SYT1: variants seen among roughly 807,000 people sequenced by gnomAD.
SYT1 encodes synaptotagmin 1, also known as synaptotagmin-1.
Under a neutral mutation model 44.8 loss-of-function variants are expected in SYT1, and 8 were observed. That is an observed-to-expected ratio of 0.18 (90% CI 0.10 to 0.32). The LOEUF (loss-of-function observed/expected upper bound fraction) is 0.32, where lower values mean the gene tolerates loss of function less well. Among genes scored for constraint, SYT1 ranks in the 10% least tolerant of loss-of-function variants. SYT1 has a pLI of 1.00. For missense variants in SYT1, 286 were observed against 509.3 expected, an observed-to-expected ratio of 0.56 and a Z score of 4.22; for synonymous variants, 154 against 188.8, an observed-to-expected ratio of 0.82 and a Z score of 1.51.
At position 79,104,155 on chromosome 12, in the gene SYT1, A is replaced by ATTT. The variant is rs199824840; in HGVS notation, c.-18+56804_-18+56806dup. 1.8e-4 allele frequency among the ~76,000 whole-genome samples: 27 copies of ATTT among 146,362 alleles called. No individual in the cohort carries two copies. In the East Asian group the frequency reaches 4.0e-3, roughly 22 times the overall value. Reference sequence around the variant, plus strand: ...ATGTTGACATCATTCAATGGAGTCAATTTTTTTTTTTTTGTAATTTGGTCT... The same window carrying ATTT: ...ATGTTGACATCATTCAATGGAGTCAATTTTTTTTTTTTTTTTGTAATTTGGTCT... On this transcript the variant is annotated intron_variant, in intron 3 of 10. Coordinates refer to ENST00000261205, the MANE Select transcript of SYT1 (RefSeq NM_005639.3).
intron 9 of SYT1, among the ~76,000 whole-genome samples, chr12:79,353,820 GA>G (rs1160814781): frequency 6.6e-6 from 1 of 152,162 alleles, no homozygotes; most frequent in Non-Finnish European, 1.5e-5. Context: ...CATAGAAGAT[GA>G]AATCTATTTT....
At chr12:79,031,940 A>T (rs944298939) in intron 2 of SYT1, among the ~76,000 whole-genome samples, 5 of 151,192 alleles carry the variant, frequency 3.3e-5, no homozygotes, top group Admixed American at 6.6e-5. Flanking sequence ...ATATGTTATT[A>T]ATCTAAATAA....
At chr12:79,444,643 A>G (rs1323937075) in intron 10 of SYT1, among the ~76,000 whole-genome samples, 1 of 150,510 alleles carries the variant, frequency 6.6e-6, no homozygotes, top group Non-Finnish European at 1.5e-5. Flanking sequence ...AGTCTTTATT[A>G]AAAGATGATT....
intron 3 of SYT1, among the ~76,000 whole-genome samples, chr12:79,139,509 T>C (rs1357130002): frequency 1.3e-5 from 2 of 152,220 alleles, no homozygotes; most frequent in Non-Finnish European, 1.5e-5. Context: ...GAGTATTCCA[T>C]AGTTATTTTA....
At chr12:79,256,017 T>C (rs1182831894) in intron 4 of SYT1, among the ~76,000 whole-genome samples, 2 of 152,190 alleles carry the variant, frequency 1.3e-5, no homozygotes, top group Non-Finnish European at 2.9e-5. Flanking sequence ...TGAATTAAAA[T>C]ATATCCCTAG....
intron 3 of SYT1, among the ~76,000 whole-genome samples, chr12:79,081,289 C>T (rs568768428): frequency 1.4e-4 from 22 of 152,032 alleles, no homozygotes; most frequent in African/African-American, 4.8e-4. Flanking sequence ...TTTTAACGCT[C>T]ATGTATAAAA....
chr12:79,150,152 T>C (rs939791496), intron 3 of SYT1, among the ~76,000 whole-genome samples: 1 of 152,146 alleles, frequency 6.6e-6, no homozygotes, highest in African/African-American at 2.4e-5. Flanking sequence ...TGTTTCATGG[T>C]GAGAGCATTT....
chr12:79,230,193 A>G (rs910514611), intron 4 of SYT1, among the ~76,000 whole-genome samples: 2 of 152,206 alleles, frequency 1.3e-5, no homozygotes, highest in African/African-American at 4.8e-5. Context: ...TGGCTCTCAT[A>G]TATGAATACA....
At chr12:78,939,344 G>A (rs551933920) in intron 1 of SYT1, among the ~76,000 whole-genome samples, 277 of 152,218 alleles carry the variant, frequency 1.8e-3, no homozygotes, top group African/African-American at 6.1e-3. Context: ...CTGTCTTACT[G>A]TTAGGATTTA....
chr12:79,287,865 G>A (rs776318076), intron 5 of SYT1, among the ~76,000 whole-genome samples: 1 of 152,076 alleles, frequency 6.6e-6, no homozygotes, highest in Middle Eastern at 3.2e-3. Flanking sequence ...CAGAGAAAAT[G>A]ATTCAAACAA....
At chr12:79,041,451 T>G (rs1873565356) in intron 2 of SYT1, among the ~76,000 whole-genome samples, 1 of 150,844 alleles carries the variant, frequency 6.6e-6, no homozygotes, top group Admixed American at 6.6e-5. Context: ...ATAAGAATGC[T>G]TGTGATTTTT....
At chr12:79,065,529 T>C (rs1040913949) in intron 3 of SYT1, among the ~76,000 whole-genome samples, 2 of 152,018 alleles carry the variant, frequency 1.3e-5, no homozygotes, top group Non-Finnish European at 1.5e-5. Flanking sequence ...ATTTTCTTCC[T>C]CTCTACTGAA....
intron 3 of SYT1, among the ~76,000 whole-genome samples, chr12:79,171,561 T>G (rs930382063): frequency 6.6e-6 from 1 of 152,006 alleles, no homozygotes; most frequent in Non-Finnish European, 1.5e-5. Context: ...AATAAAAAAG[T>G]TCTTTCAAAT....
intron 3 of SYT1, among the ~76,000 whole-genome samples, chr12:79,053,536 T>G (rs886454245): frequency 6.7e-6 from 1 of 149,612 alleles, no homozygotes. Flanking sequence ...AATTCTTATA[T>G]ATATTATATA....
At chr12:79,310,961 A>G (rs916094300) in intron 8 of SYT1, among the ~76,000 whole-genome samples, 17 of 152,384 alleles carry the variant, frequency 1.1e-4, no homozygotes, top group Non-Finnish European at 2.2e-4. Context: ...TCATCTGCAA[A>G]CAGGGACAAT....
chr12:79,143,228 CA>C (rs1334186367), intron 3 of SYT1, among the ~76,000 whole-genome samples: 1 of 152,180 alleles, frequency 6.6e-6, no homozygotes, highest in African/African-American at 2.4e-5. Flanking sequence ...ATCATTTATA[CA>C]CACATAACAT....
intron 3 of SYT1, among the ~76,000 whole-genome samples, chr12:79,090,879 A>T (rs1282609168): frequency 1.3e-5 from 2 of 151,938 alleles, no homozygotes; most frequent in Admixed American, 1.3e-4. Flanking sequence ...AAAAGAGTAG[A>T]TGGTAACCTG....
chr12:79,124,201 G>A (rs1234989861), intron 3 of SYT1, among the ~76,000 whole-genome samples: 1 of 152,202 alleles, frequency 6.6e-6, no homozygotes, highest in Admixed American at 6.5e-5. Flanking sequence ...ATAGCCAGAA[G>A]TAGGTTGCCT....
chr12:79,026,702 T>TAAAAAA (rs34140383), intron 2 of SYT1, among the ~76,000 whole-genome samples: 1 of 125,328 alleles, frequency 8.0e-6, no homozygotes, highest in Non-Finnish European at 1.7e-5. Flanking sequence ...TATATATATA[T>TAAAAAA]CACACTTTCA....
Sources: gnomAD v4.1 joint callset for allele counts (sites outside exome capture counted in the v4.1 genomes callset) on GRCh38, gnomAD v4.1.1 for gene constraint, MANE v1.5 for transcripts, NCBI Gene and HGNC (gene_info 2026-07-23, HGNC 2026-07-21) for gene names.